Variants in COPB2 observed in about 807,000 individuals in gnomAD.
COPB2 encodes coatomer subunit beta'.
Under a neutral mutation model 120.8 loss-of-function variants are expected in COPB2, and 16 were observed. The ratio of observed to expected loss-of-function variants is 0.13; its 90% CI spans 0.09 to 0.20. COPB2 has a LOEUF of 0.20. COPB2 is among the 10% of genes least tolerant of loss of function. The pLI, the probability that COPB2 is intolerant of heterozygous loss-of-function variation, is 1.00. For synonymous variants in COPB2, 332 were observed against 366.3 expected (o/e 0.91, Z 1.07); for missense variants, 794 against 1,076.5 (o/e 0.74, Z 3.67).
intron 1 of COPB2, 129 bp from the exon 2 acceptor site, chr3:139,383,564 T>C (rs1941853679): frequency 1.2e-6 from 1 of 819,748 alleles, no homozygotes; most frequent in East Asian, 2.9e-5. Flanking sequence ...TTTGAAACAG[T>C]TTCAAGTCTA....
At chr3:139,359,387 T>C (rs1237848767) in intron 17 of COPB2, 25 bp from the exon 18 acceptor site, 1 of 1,601,138 alleles carries the variant, frequency 6.2e-7, no homozygotes, top group Admixed American at 1.7e-5. Flanking sequence ...GGAGAGGTAC[T>C]GTTACCAAGA....
At chr3:139,362,589 T>TAC (rs905369799) in intron 15 of COPB2, 72 bp from the exon 16 acceptor site, 14 of 465,468 alleles carry the variant, frequency 3.0e-5, no homozygotes, top group African/African-American at 1.7e-4. Flanking sequence ...TATATATATA[T>TAC]ACACACACAT....
chr3:139,379,501 A>G (rs776776203), intron 2 of COPB2, 35 bp from the exon 3 acceptor site: 10 of 1,558,872 alleles, frequency 6.4e-6, no homozygotes, highest in Admixed American at 3.4e-5. Flanking sequence ...AAATTGAGCT[A>G]TAAGAAAATA....
intron 10 of COPB2, among the ~76,000 whole-genome samples, chr3:139,369,807 C>G (rs1380335118): frequency 6.6e-6 from 1 of 152,110 alleles, no homozygotes; most frequent in East Asian, 1.9e-4. Context: ...ACCCAAATGT[C>G]CACAATAGGT....
intron 20 of COPB2, 58 bp downstream of exon 20, chr3:139,358,686 A>G: frequency 6.2e-6 from 3 of 487,552 alleles, no homozygotes; most frequent in South Asian, 7.0e-5. Context: ...GTCTCAAAAG[A>G]AAAAAAAAAA....
rs776734443 is a variant in COPB2, at chr3:139,369,375, G to T, written c.1295-8C>A. The T allele has an allele frequency of 1.2e-6, 2 of 1,610,438 alleles. No homozygotes were observed. The highest frequency in any genetic ancestry group is 1.7e-5 in the Admixed American group (1 of 59,396). On this transcript the variant is annotated splice_region_variant and splice_polypyrimidine_tract_variant and intron_variant, in intron 11 of 21. Transcript: ENST00000333188. The stretch of plus-strand genomic sequence containing the variant: ...AGAAGCCGCCGTAGATACCTAAAGG[G>T]AACATAAAAAGAGTTTTGCTTAGGC...
chr3:139,378,293 C>A (rs777383046), intron 4 of COPB2, 104 bp from the exon 5 acceptor site: 5 of 1,065,306 alleles, frequency 4.7e-6, no homozygotes, highest in Admixed American at 2.9e-5. Context: ...CCATATAATC[C>A]ATGACTTACA....
chr3:139,372,471 C>T (rs1454251082), intron 9 of COPB2, among the ~76,000 whole-genome samples: 1 of 152,230 alleles, frequency 6.6e-6, no homozygotes, highest in Non-Finnish European at 1.5e-5. Flanking sequence ...GCAAAACTTA[C>T]AGCCAAGAAT....
chr3:139,365,991 AG>A (rs34083823), intron 15 of COPB2, among the ~76,000 whole-genome samples: 1 of 152,202 alleles, frequency 6.6e-6, no homozygotes, highest in East Asian at 1.9e-4. Flanking sequence ...TCTTCTACAG[AG>A]GGGGAAGTCA....
At position 139,368,229 on chromosome 3, in the gene COPB2, G is replaced by A; in HGVS notation, c.1461C>T (p.Ile487=). The change falls in exon 13 of 22, where the codon ATC becomes ATT. Residue 487 remains isoleucine, a synonymous_variant. Coordinates refer to ENST00000333188, the MANE Select transcript of COPB2 (RefSeq NM_004766.3). ...AGACTTTTTCTGACAGATACTTAAGGATAAAAAATGATTCCTCAGTAGCAA... is the reference window on the plus strand; with the variant it reads ...AGACTTTTTCTGACAGATACTTAAGAATAAAAAATGATTCCTCAGTAGCAA... ...VCIATEESFF[I]LKYLSEKVLA... 1 of 1,613,630 alleles carries A rather than the reference G, an allele frequency of 6.2e-7. No individual in the cohort carries two copies. Among genetic ancestry groups the A allele is most frequent in the Non-Finnish European group, 8.5e-7 (1 of 1,179,772 alleles).
In COPB2 at chr3:139,361,154, T is replaced by A; in HGVS notation, c.2137A>T (p.Asn713Tyr). The change falls in exon 17 of 22, where the codon AAC (asparagine) becomes TAC (tyrosine). Residue 713 changes from asparagine to tyrosine, a missense_variant. Transcript: ENST00000333188. Reference protein sequence around the residue: ...ATASGNANMVNKLAEGAERDG... With the variant: ...ATASGNANMVYKLAEGAERDG... Reference sequence around the variant, plus strand: ...CTCTCCGCACCCTCTGCTAGCTTGTTCACCATATTAGCATTTCCAGAGGCA... The same window carrying A: ...CTCTCCGCACCCTCTGCTAGCTTGTACACCATATTAGCATTTCCAGAGGCA... 6.2e-7 allele frequency: 1 copy of A among 1,614,236 alleles called. No individual in the cohort carries two copies. The highest frequency in any genetic ancestry group is 8.5e-7 in the Non-Finnish European group (1 of 1,180,038).
chr3:139,389,580 C>G lies in COPB2; in HGVS notation c.-30G>C. On this transcript the variant is annotated 5_prime_UTR_variant, in exon 1 of 22. Transcript: ENST00000333188. ...GCGTCGGTCCAATCCCGGGAACCCT[C>G]GTTTGTTACCGGCTACTCAGGCCTT... 1.9e-6 allele frequency: 3 copies of G among 1,570,352 alleles called. No homozygotes were observed. The South Asian group carries it at 3.4e-5, about 18-fold the overall frequency.
At position 139,389,620 on chromosome 3, in the gene COPB2, G is replaced by T; in HGVS notation, c.-70C>A. On this transcript the variant is annotated 5_prime_UTR_variant, in exon 1 of 22. Coordinates refer to ENST00000333188, the MANE Select transcript of COPB2 (RefSeq NM_004766.3). Reference sequence around the variant, plus strand: ...ACTCAGGCCTTGAGATAAACCCACCGATCCACTGACCGTCAGACTGACTGA... The same window carrying T: ...ACTCAGGCCTTGAGATAAACCCACCTATCCACTGACCGTCAGACTGACTGA... 6.8e-7 allele frequency: 1 copy of T among 1,460,532 alleles called. No homozygotes were observed. The highest frequency in any genetic ancestry group is 9.4e-7 in the Non-Finnish European group (1 of 1,063,788). The allele number at this position is 1,460,532 out of a possible 1,614,324, so 90.5% of individuals were successfully genotyped here.
At chr3:139,364,053 T>TA (rs1941472387) in intron 15 of COPB2, among the ~76,000 whole-genome samples, 1 of 152,012 alleles carries the variant, frequency 6.6e-6, no homozygotes, top group African/African-American at 2.4e-5. Flanking sequence ...GATTTTTTTT[T>TA]AAAGGCATAA....
At chr3:139,377,347 C>T (rs1941731565) in intron 5 of COPB2, among the ~76,000 whole-genome samples, 1 of 152,188 alleles carries the variant, frequency 6.6e-6, no homozygotes, top group Non-Finnish European at 1.5e-5. Context: ...AAGAGGTTCT[C>T]AAGAGTAAAT....
Position 139,357,913 on chromosome 3 carries a change from C to T in COPB2, c.2671G>A (p.Asp891Asn). The T allele has an allele frequency of 6.2e-7, 1 of 1,600,422 alleles. No homozygotes were observed. The highest frequency in any genetic ancestry group is 8.5e-7 in the Non-Finnish European group (1 of 1,170,286). The change falls in exon 22 of 22, where the codon GAT (aspartate) becomes AAT (asparagine). Residue 891 changes from aspartate to asparagine, a missense_variant. Transcript: ENST00000333188. ...EVDLDNLELE[D>N]IDTTDINLDE... ...AGATTGATATCTGTTGTGTCAATAT[C>T]TTCTAATTCCAAATTATCCAAATCT...
chr3:139,376,014 C>T (rs568877312), intron 5 of COPB2, among the ~76,000 whole-genome samples: 4 of 152,100 alleles, frequency 2.6e-5, no homozygotes, highest in Admixed American at 1.3e-4. Flanking sequence ...TTTAGGAGGC[C>T]GAGATGGAAG....
At chr3:139,367,927 A>G (rs1023685207) in intron 13 of COPB2, among the ~76,000 whole-genome samples, 2 of 152,250 alleles carry the variant, frequency 1.3e-5, no homozygotes, top group African/African-American at 4.8e-5. Context: ...AGTCTAAAGA[A>G]TTCTTAAAAT....
At chr3:139,376,882 T>C (rs1941722926) in intron 5 of COPB2, among the ~76,000 whole-genome samples, 1 of 152,204 alleles carries the variant, frequency 6.6e-6, no homozygotes, top group South Asian at 2.1e-4. Context: ...CCCGAGTAGA[T>C]GGGGCTACAG....
Sources: gnomAD v4.1 joint callset for allele counts (sites outside exome capture counted in the v4.1 genomes callset) on GRCh38, gnomAD v4.1.1 for gene constraint, MANE v1.5 for transcripts, NCBI Gene and HGNC (gene_info 2026-07-23, HGNC 2026-07-21) for gene names.